Variants in BANK1 observed in about 807,000 individuals in gnomAD.
BANK1 encodes B cell scaffold protein with ankyrin repeats 1.
Under a neutral mutation model 94.5 loss-of-function variants are expected in BANK1, and 95 were observed. That is an observed-to-expected ratio of 1.00 (90% confidence interval 0.85 to 1.19). The LOEUF (loss-of-function observed/expected upper bound fraction) is 1.19. Ranked by LOEUF, BANK1 falls within the 50% of genes most tolerant of loss-of-function variation. BANK1 has a pLI of 0.00. For missense variants in BANK1, 987 were observed against 932.2 expected (o/e 1.06, Z -0.77); for synonymous variants, 334 against 308.4 (o/e 1.08, Z -0.87).
At chr4:102,001,827 T>C (rs1726087405) in intron 7 of BANK1, among the ~76,000 whole-genome samples, 1 of 152,154 alleles carries the variant, frequency 6.6e-6, no homozygotes, top group South Asian at 2.1e-4. Context: ...GCATTCATCA[T>C]GAAATCAGTC....
At chr4:101,870,690 G>C (rs778549059) in intron 5 of BANK1, 46 bp downstream of exon 5, 7 of 1,571,636 alleles carry the variant, frequency 4.5e-6, no homozygotes, top group Non-Finnish European at 5.2e-6. Context: ...AAGCTGAAGA[G>C]CTAATGAAGG....
chr4:101,894,414 A>G (rs911739051), intron 5 of BANK1, among the ~76,000 whole-genome samples: 1 of 152,006 alleles, frequency 6.6e-6, no homozygotes, highest in Non-Finnish European at 1.5e-5. Context: ...AAACCACTTT[A>G]TTACTTGCAC....
At chr4:102,018,214 C>A (rs1375108250) in intron 7 of BANK1, among the ~76,000 whole-genome samples, 1 of 152,016 alleles carries the variant, frequency 6.6e-6, no homozygotes, top group African/African-American at 2.4e-5. Context: ...CAAATATTAT[C>A]TCTAATTCTT....
intron 4 of BANK1, 33 bp downstream of exon 4, chr4:101,862,697 C>A (rs769630187): frequency 4.5e-6 from 7 of 1,551,608 alleles, no homozygotes; most frequent in Non-Finnish European, 5.2e-6. Flanking sequence ...AAGCATAAAA[C>A]ATTATCCTGA....
At position 102,070,347 on chromosome 4, in the gene BANK1, G is replaced by A. The variant is rs549492015; in HGVS notation, c.2213-928G>A. Reference sequence around the variant, plus strand: ...CCTTACACTTGGGAAGTGAGCATGCGCAGTGTGTTCAGAAAGTTGTATGCA... The same window carrying A: ...CCTTACACTTGGGAAGTGAGCATGCACAGTGTGTTCAGAAAGTTGTATGCA... On this transcript the variant is annotated intron_variant, in intron 13 of 16. Coordinates refer to ENST00000322953, the MANE Select transcript of BANK1 (RefSeq NM_017935.5). Among the ~76,000 whole-genome samples, 4 of 152,182 alleles carry A rather than the reference G, an allele frequency of 2.6e-5. No individual in the cohort carries two copies. In the South Asian group the frequency reaches 8.3e-4, roughly 32 times the overall value.
chr4:102,032,756 G>T (rs1269181434), intron 10 of BANK1, among the ~76,000 whole-genome samples: 6 of 151,932 alleles, frequency 3.9e-5, no homozygotes, highest in Non-Finnish European at 8.8e-5. Context: ...ATGGTGGCAG[G>T]TACCTGTAAT....
chr4:101,958,495 T>G (rs1023925785), intron 7 of BANK1, among the ~76,000 whole-genome samples: 4 of 151,072 alleles, frequency 2.6e-5, no homozygotes, highest in African/African-American at 9.7e-5. Flanking sequence ...TTAAAATATT[T>G]CTTGCTGTTT....
intron 7 of BANK1, among the ~76,000 whole-genome samples, chr4:101,957,439 A>G (rs1560652226): frequency 6.6e-6 from 1 of 152,204 alleles, no homozygotes; most frequent in Non-Finnish European, 1.5e-5. Flanking sequence ...CTCTCTCAGA[A>G]GAAGCCACTA....
At chr4:101,945,169 G>C (rs1217666495) in intron 7 of BANK1, among the ~76,000 whole-genome samples, 5 of 151,922 alleles carry the variant, frequency 3.3e-5, no homozygotes, top group Non-Finnish European at 7.4e-5. Flanking sequence ...CCCCTTTGGA[G>C]ACTTTAAATA....
chr4:101,810,357 A>G (rs987861771), intron 1 of BANK1, among the ~76,000 whole-genome samples: 1 of 152,216 alleles, frequency 6.6e-6, no homozygotes, highest in African/African-American at 2.4e-5. Flanking sequence ...TAGGAAACAT[A>G]CAGATATCTA....
chr4:101,851,816 A>G (rs538872511), intron 2 of BANK1, among the ~76,000 whole-genome samples: 1 of 152,158 alleles, frequency 6.6e-6, no homozygotes, highest in South Asian at 2.1e-4. Context: ...GTTTTATAAA[A>G]TAGGCTTCTT....
intron 10 of BANK1, among the ~76,000 whole-genome samples, chr4:102,037,851 G>A (rs535915737): frequency 6.6e-6 from 1 of 152,272 alleles, no homozygotes; most frequent in African/African-American, 2.4e-5. Flanking sequence ...AAGGTATTCT[G>A]TAGACACAGA....
At chr4:101,924,945 C>T (rs1306403726) in intron 7 of BANK1, among the ~76,000 whole-genome samples, 3 of 150,416 alleles carry the variant, frequency 2.0e-5, no homozygotes, top group African/African-American at 7.3e-5. Context: ...TACTTCATAA[C>T]TTCCCTCAAT....
chr4:102,019,344 C>T (rs1054055161), intron 7 of BANK1, among the ~76,000 whole-genome samples: 3 of 152,056 alleles, frequency 2.0e-5, no homozygotes, highest in East Asian at 1.9e-4. Flanking sequence ...TAAAAGTAGG[C>T]GTATAGCTTA....
chr4:101,917,069 GA>G (rs1722851612), intron 6 of BANK1, among the ~76,000 whole-genome samples: 1 of 151,948 alleles, frequency 6.6e-6, no homozygotes, highest in African/African-American at 2.4e-5. Flanking sequence ...GAACTAAGAT[GA>G]TTAAAGCAAA....
intron 4 of BANK1, among the ~76,000 whole-genome samples, chr4:101,864,785 AG>A (rs566635841): frequency 1.0e-3 from 157 of 152,334 alleles, no homozygotes; most frequent in African/African-American, 3.7e-3. Flanking sequence ...ATTGAACAAA[AG>A]AATATGAACT....
intron 8 of BANK1, 31 bp downstream of exon 8, chr4:102,021,623 ACATATTCATAT>A: frequency 1.3e-6 from 1 of 790,080 alleles, no homozygotes; most frequent in Non-Finnish European, 1.9e-6. Context: ...TATATATATG[ACATATTCATAT>A]ATATATCACA....
At chr4:101,824,044 G>A (rs1726274138) in intron 1 of BANK1, among the ~76,000 whole-genome samples, 1 of 152,152 alleles carries the variant, frequency 6.6e-6, no homozygotes, top group Non-Finnish European at 1.5e-5. Flanking sequence ...ACACAGCGAG[G>A]AGTTACAATT....
intron 6 of BANK1, among the ~76,000 whole-genome samples, chr4:101,900,391 A>G (rs957735436): frequency 2.0e-5 from 3 of 152,236 alleles, no homozygotes; most frequent in East Asian, 1.9e-4. Flanking sequence ...ATCGCTTAAT[A>G]TCATCTAATT....
Sources: allele counts gnomAD v4.1 joint callset (sites outside exome capture counted in the v4.1 genomes callset), GRCh38; gene constraint gnomAD v4.1.1; transcripts MANE v1.5; gene names NCBI Gene and HGNC (gene_info 2026-07-23, HGNC 2026-07-21).